Variants in BRINP3 observed in about 807,000 individuals in gnomAD.
The protein encoded by BRINP3 is BMP/retinoic acid-inducible neural-specific protein 3.
In BRINP3, 19 loss-of-function variants were observed where a neutral mutation model predicts 71.0. That is an observed-to-expected ratio of 0.27 (90% CI 0.19 to 0.39). The LOEUF (loss-of-function observed/expected upper bound fraction) is 0.39, where lower values mean the gene tolerates loss of function less well. BRINP3 is among the 10% of genes least tolerant of loss of function. The pLI is 1.00. For synonymous variants in BRINP3, 380 were observed against 337.7 expected (o/e 1.13, Z -1.37); for missense variants, 959 against 940.8 (o/e 1.02, Z -0.25).
intron 1 of BRINP3, chr1:190,474,349 A>T (rs1184927349): frequency 6.6e-6 from 1 of 152,642 alleles, no homozygotes; most frequent in Non-Finnish European, 1.5e-5. Context: ...CACAGAAAAA[A>T]CATCACGATA....
intron 6 of BRINP3, among the ~76,000 whole-genome samples, chr1:190,173,822 A>G (rs530239289): frequency 6.6e-6 from 1 of 152,260 alleles, no homozygotes; most frequent in East Asian, 1.9e-4. Context: ...TGAGATTAGC[A>G]TTGTTTCAAA....
At chr1:190,118,133 C>CAT (rs1653307743) in intron 7 of BRINP3, among the ~76,000 whole-genome samples, 1 of 150,626 alleles carries the variant, frequency 6.6e-6, no homozygotes, top group Admixed American at 6.7e-5. Context: ...CCAAATCATA[C>CAT]ACACACACAC....
chr1:190,104,201 CTT>C (rs1651941829), intron 7 of BRINP3, among the ~76,000 whole-genome samples: 1 of 151,900 alleles, frequency 6.6e-6, no homozygotes, highest in Non-Finnish European at 1.5e-5. Context: ...GATACAATAA[CTT>C]TTATTTGTGA....
At chr1:190,460,890 T>C (rs1178720714) in intron 1 of BRINP3, among the ~76,000 whole-genome samples, 3 of 152,142 alleles carry the variant, frequency 2.0e-5, no homozygotes, top group Non-Finnish European at 4.4e-5. Flanking sequence ...ATATAAGATT[T>C]ACCACTTTTT....
intron 7 of BRINP3, among the ~76,000 whole-genome samples, chr1:190,146,703 A>C (rs979449018): frequency 6.6e-6 from 1 of 152,134 alleles, no homozygotes; most frequent in African/African-American, 2.4e-5. Context: ...GCACTTCTGG[A>C]ACACTATTTT....
intron 1 of BRINP3, among the ~76,000 whole-genome samples, chr1:190,470,626 A>C (rs1442151714): frequency 6.6e-6 from 1 of 151,188 alleles, no homozygotes; most frequent in Non-Finnish European, 1.5e-5. Flanking sequence ...AATTATGAAT[A>C]GTGATTATTG....
chr1:190,195,483 T>A (rs1022128508), intron 6 of BRINP3, among the ~76,000 whole-genome samples: 4 of 152,072 alleles, frequency 2.6e-5, no homozygotes, highest in Admixed American at 6.6e-5. Context: ...TATAGCAAAC[T>A]TTTTATATAT....
intron 4 of BRINP3, among the ~76,000 whole-genome samples, chr1:190,242,966 C>T (rs146718458): frequency 2.2e-4 from 33 of 152,132 alleles, no homozygotes; most frequent in Non-Finnish European, 4.1e-4. Context: ...AGGCCAGGCA[C>T]GACTACAATG....
intron 1 of BRINP3, among the ~76,000 whole-genome samples, chr1:190,458,153 A>G (rs557728472): frequency 4.5e-4 from 69 of 152,088 alleles, no homozygotes; most frequent in African/African-American, 1.6e-3. Context: ...TGTTTTTTCT[A>G]CTTCTGACTT....
intron 7 of BRINP3, among the ~76,000 whole-genome samples, chr1:190,126,019 C>T (rs533567303): frequency 1.3e-4 from 20 of 152,014 alleles, no homozygotes; most frequent in Non-Finnish European, 2.7e-4. Flanking sequence ...GAAAAATACT[C>T]GTATCCTGTG....
In BRINP3 at chr1:190,213,816, G is replaced by C. The variant is rs774814254; in HGVS notation, c.961+12266C>G. Among the ~76,000 whole-genome samples, 244 of 152,134 alleles carry C rather than the reference G, an allele frequency of 1.6e-3. 1 individual carries two copies. Among genetic ancestry groups the C allele is most frequent in the Non-Finnish European group, 3.1e-3 (210 of 67,958 alleles). ...AACAGCAAATGGGGGAACATATTTA[G>C]GAAAGACTGTGGGTGTGGCTATTGG... On this transcript the variant is annotated intron_variant, in intron 6 of 7. Coordinates refer to ENST00000367462, the MANE Select transcript of BRINP3 (RefSeq NM_199051.3).
chr1:190,477,367 A>G (rs1677567054), intron 1 of BRINP3, 81 bp downstream of exon 1: 1 of 152,178 alleles, frequency 6.6e-6, no homozygotes, highest in Non-Finnish European at 1.5e-5. Flanking sequence ...AAATGTGAAA[A>G]ATGAAATACT....
At chr1:190,403,724 T>C (rs534048086) in intron 2 of BRINP3, among the ~76,000 whole-genome samples, 11 of 152,350 alleles carry the variant, frequency 7.2e-5, no homozygotes, top group African/African-American at 2.4e-4. Flanking sequence ...TTGTAAAGTA[T>C]TGAATATTTT....
chr1:190,284,907 T>C (rs1663305995), intron 2 of BRINP3, among the ~76,000 whole-genome samples: 1 of 152,122 alleles, frequency 6.6e-6, no homozygotes, highest in Non-Finnish European at 1.5e-5. Context: ...TTTCTCCCCA[T>C]ATTTTCATAT....
chr1:190,361,215 G>A (rs1274308606), intron 2 of BRINP3, among the ~76,000 whole-genome samples: 1 of 151,854 alleles, frequency 6.6e-6, no homozygotes, highest in Non-Finnish European at 1.5e-5. Context: ...AAGGCTCAGA[G>A]GAACCATTGA....
intron 2 of BRINP3, among the ~76,000 whole-genome samples, chr1:190,390,844 GC>G: frequency 6.6e-6 from 1 of 151,816 alleles, no homozygotes; most frequent in East Asian, 1.9e-4. Context: ...CAGTCTCAGT[GC>G]AAAAAGACTT....
At chr1:190,414,336 TG>T (rs796177508) in intron 2 of BRINP3, among the ~76,000 whole-genome samples, 192 of 151,676 alleles carry the variant, frequency 1.3e-3, no homozygotes, top group African/African-American at 4.6e-3. Flanking sequence ...TAAATCACTG[TG>T]TTTTTTTTTT....
chr1:190,377,059 C>A lies in BRINP3; in HGVS notation c.236+77596G>T, dbSNP rs556090046. Among the ~76,000 whole-genome samples the A allele has an allele frequency of 1.6e-4, 24 of 151,908 alleles. 1 individual carries two copies. In the East Asian group the frequency reaches 4.4e-3, roughly 28 times the overall value. On this transcript the variant is annotated intron_variant, in intron 2 of 7. Transcript: ENST00000367462. The stretch of plus-strand genomic sequence containing the variant: ...CAAATAAGAAAATTTTAATTAAGTT[C>A]TAAATTTTTAATATAATTTTATTTT...
At chr1:190,369,917 T>A (rs1402141849) in intron 2 of BRINP3, among the ~76,000 whole-genome samples, 1 of 152,152 alleles carries the variant, frequency 6.6e-6, no homozygotes, top group Non-Finnish European at 1.5e-5. Context: ...AAATATACAT[T>A]TGCACTTTTG....
Sources: allele counts gnomAD v4.1 joint callset (sites outside exome capture counted in the v4.1 genomes callset), GRCh38; gene constraint gnomAD v4.1.1; transcripts MANE v1.5; gene names NCBI Gene and HGNC (gene_info 2026-07-23, HGNC 2026-07-21).